Variants in GMDS observed in about 807,000 individuals in gnomAD.
GMDS encodes GDP-mannose 4,6-dehydratase.
In GMDS, 20 loss-of-function variants were observed where a neutral mutation model predicts 49.9. The ratio of observed to expected loss-of-function variants is 0.40; its 90% CI spans 0.28 to 0.58. The LOEUF (loss-of-function observed/expected upper bound fraction) is 0.58, where lower values mean the gene tolerates loss of function less well. Ranked by LOEUF, GMDS falls within the 20% of genes least tolerant of loss-of-function variation. GMDS has a pLI of 0.42. For synonymous variants in GMDS, 177 were observed against 178.6 expected (o/e 0.99, Z 0.07); for missense variants, 362 against 481.4 (o/e 0.75, Z 2.32).
chr6:2,203,851 G>T (rs544835326), intron 1 of GMDS, among the ~76,000 whole-genome samples: 1 of 152,126 alleles, frequency 6.6e-6, no homozygotes, highest in Non-Finnish European at 1.5e-5. Flanking sequence ...AACTGTAAAT[G>T]ATCACACGAT....
chr6:1,826,366 C>T (rs1267099379), intron 7 of GMDS, among the ~76,000 whole-genome samples: 1 of 152,124 alleles, frequency 6.6e-6, no homozygotes, highest in Admixed American at 6.5e-5. Context: ...GTAAGAGGAT[C>T]TTGGAATATT....
At chr6:2,163,177 T>A (rs189214295) in intron 1 of GMDS, among the ~76,000 whole-genome samples, 1 of 152,256 alleles carries the variant, frequency 6.6e-6, no homozygotes, top group East Asian at 1.9e-4. Context: ...AATAATAAAC[T>A]GTCCTAACAG....
chr6:2,192,283 G>A (rs1779060800), intron 1 of GMDS, among the ~76,000 whole-genome samples: 1 of 152,148 alleles, frequency 6.6e-6, no homozygotes, highest in Admixed American at 6.5e-5. Flanking sequence ...GCTATGGAGA[G>A]GAGCTGCCCA....
At chr6:2,029,584 T>C (rs1051612553) in intron 4 of GMDS, among the ~76,000 whole-genome samples, 1 of 152,174 alleles carries the variant, frequency 6.6e-6, no homozygotes, top group African/African-American at 2.4e-5. Context: ...CCTCCCAGTA[T>C]AAGTGGCAAA....
At chr6:2,168,732 T>C (rs937664727) in intron 1 of GMDS, among the ~76,000 whole-genome samples, 29 of 152,196 alleles carry the variant, frequency 1.9e-4, no homozygotes, top group African/African-American at 6.3e-4. Flanking sequence ...TGGGGCAAAG[T>C]AGATGCCAAA....
At chr6:1,861,731 G>C (rs539360510) in intron 7 of GMDS, among the ~76,000 whole-genome samples, 1 of 152,190 alleles carries the variant, frequency 6.6e-6, no homozygotes, top group Non-Finnish European at 1.5e-5. Flanking sequence ...TCCTGACCTG[G>C]TGTCGTGGCC....
In GMDS at chr6:1,792,260, G is replaced by A. The variant is rs556111127; in HGVS notation, c.772-49674C>T. Among the ~76,000 whole-genome samples the A allele has an allele frequency of 4.7e-5, 7 of 148,824 alleles. No homozygotes were observed. In the South Asian group the frequency reaches 6.4e-4, roughly 14 times the overall value. On this transcript the variant is annotated intron_variant, in intron 7 of 10. Coordinates refer to ENST00000380815, the MANE Select transcript of GMDS (RefSeq NM_001500.4). Reference sequence around the variant, plus strand: ...AACTGTTAGTTTTTTTTTTTTCCTCGGATTAGTTTTCCTTATATATCATTT... The same window carrying A: ...AACTGTTAGTTTTTTTTTTTTCCTCAGATTAGTTTTCCTTATATATCATTT...
At position 1,813,693 on chromosome 6, in the gene GMDS, G is replaced by A. The variant is rs79739773; in HGVS notation, c.772-71107C>T. On this transcript the variant is annotated intron_variant, in intron 7 of 10. Transcript: ENST00000380815. Reference sequence around the variant, plus strand: ...GACACGTAAGGTCTTCAAGTAAGAGGGTAGGAGCGATCCACTGACTTTTCC... The same window carrying A: ...GACACGTAAGGTCTTCAAGTAAGAGAGTAGGAGCGATCCACTGACTTTTCC... Among the ~76,000 whole-genome samples, 496 of 152,212 alleles carry A rather than the reference G, an allele frequency of 3.3e-3. 1 individual carries two copies. Among genetic ancestry groups the A allele is most frequent in the African/African-American group, 0.011 (456 of 41,540 alleles).
At position 1,737,831 on chromosome 6, in the gene GMDS, C is replaced by CACACCA. The variant is rs1554113687; in HGVS notation, c.890+4636_890+4637insTGGTGT. On this transcript the variant is annotated intron_variant, in intron 8 of 10. Transcript: ENST00000380815. ...CATACACACACACCACAAAGACACA[C>CACACCA]CACACACACAGATACGCGCACAGAT... Among the ~76,000 whole-genome samples the CACACCA allele has an allele frequency of 1.2e-4, 17 of 143,384 alleles. No homozygotes were observed. The South Asian group carries it at 3.6e-3, about 30-fold the overall frequency. The allele number at this position is 143,384 out of a possible 152,430, so 94.1% of individuals were successfully genotyped here.
intron 4 of GMDS, among the ~76,000 whole-genome samples, chr6:1,977,451 A>G (rs1371173125): frequency 6.6e-6 from 1 of 152,198 alleles, no homozygotes; most frequent in East Asian, 1.9e-4. Context: ...TTCAATGTTC[A>G]ATTCAAAATA....
intron 1 of GMDS, among the ~76,000 whole-genome samples, chr6:2,165,584 T>G (rs1777624088): frequency 6.6e-6 from 1 of 152,222 alleles, no homozygotes; most frequent in Admixed American, 6.5e-5. Flanking sequence ...CCCTCACAGA[T>G]ACACCCAGAA....
intron 8 of GMDS, among the ~76,000 whole-genome samples, chr6:1,730,752 A>ATAAG (rs1766768101): frequency 6.6e-6 from 1 of 152,204 alleles, no homozygotes; most frequent in Non-Finnish European, 1.5e-5. Context: ...GGCCCCGTCA[A>ATAAG]GTCCTCTTAT....
chr6:1,701,655 T>G (rs147835577), intron 9 of GMDS, among the ~76,000 whole-genome samples: 2 of 152,302 alleles, frequency 1.3e-5, no homozygotes, highest in East Asian at 1.9e-4. Context: ...AATAATTTAT[T>G]ACATTTTATT....
chr6:2,230,645 C>A (rs1781045083), intron 1 of GMDS, among the ~76,000 whole-genome samples: 1 of 151,730 alleles, frequency 6.6e-6, no homozygotes, highest in South Asian at 2.1e-4. Context: ...GAAAATACTA[C>A]ATAAATTTAA....
intron 7 of GMDS, among the ~76,000 whole-genome samples, chr6:1,746,893 G>T (rs1349516997): frequency 1.3e-5 from 2 of 151,982 alleles, no homozygotes; most frequent in East Asian, 3.9e-4. Flanking sequence ...GTAGAGATGG[G>T]GTTTCACCAT....
chr6:2,197,673 T>C (rs768642187), intron 1 of GMDS, among the ~76,000 whole-genome samples: 4 of 152,164 alleles, frequency 2.6e-5, no homozygotes, highest in Admixed American at 6.5e-5. Flanking sequence ...AATCAAAGTA[T>C]CCCATTTCCC....
At chr6:1,726,389 C>G in intron 9 of GMDS, 27 bp downstream of exon 9, 2 of 1,491,932 alleles carry the variant, frequency 1.3e-6, no homozygotes, top group South Asian at 1.1e-5. Context: ...AATGTGGCCA[C>G]GCACTGGGTG....
chr6:1,952,889 A>C (rs1763425938), intron 6 of GMDS, among the ~76,000 whole-genome samples: 1 of 152,146 alleles, frequency 6.6e-6, no homozygotes, highest in African/African-American at 2.4e-5. Flanking sequence ...ACTCAGGCTA[A>C]AGGTATCCAG....
chr6:1,887,648 T>C (rs1036555925), intron 7 of GMDS, among the ~76,000 whole-genome samples: 1 of 152,226 alleles, frequency 6.6e-6, no homozygotes, highest in African/African-American at 2.4e-5. Context: ...GTCATTGTCA[T>C]TAGCAAAAAC....
Sources: gnomAD v4.1 joint callset for allele counts (sites outside exome capture counted in the v4.1 genomes callset) on GRCh38, gnomAD v4.1.1 for gene constraint, MANE v1.5 for transcripts, NCBI Gene and HGNC (gene_info 2026-07-23, HGNC 2026-07-21) for gene names.